Variants in RALGAPA1 observed in about 807,000 individuals in gnomAD.
RALGAPA1 encodes Ral GTPase activating protein catalytic subunit alpha 1.
RALGAPA1 carries 52 observed loss-of-function variants against 269.6 expected under a neutral mutation model. The ratio of observed to expected loss-of-function variants is 0.19; its 90% CI spans 0.15 to 0.24. The LOEUF (loss-of-function observed/expected upper bound fraction) is 0.24, where lower values mean the gene tolerates loss of function less well. RALGAPA1 is among the 10% of genes least tolerant of loss of function. The pLI, the probability that RALGAPA1 is intolerant of heterozygous loss-of-function variation, is 1.00. For missense variants in RALGAPA1, 1,917 were observed against 3,013.9 expected, an observed-to-expected ratio of 0.64 and a Z score of 8.52; for synonymous variants, 817 against 1,008.3, an observed-to-expected ratio of 0.81 and a Z score of 3.60.
In RALGAPA1 at chr14:35,540,135, G is replaced by A. The variant is rs141474165; in HGVS notation, c.*24-445C>T. 3.4e-4 allele frequency among the ~76,000 whole-genome samples: 52 copies of A among 152,010 alleles called. No homozygotes were observed. In the East Asian group the frequency reaches 9.3e-3, roughly 27 times the overall value. ...CAGTTCCAAACAGTTTTGGAACCAC[G>A]GGTTTCAAAAAGGAAGTCAGTTTCA... On this transcript the variant is annotated intron_variant, in intron 41 of 41. Coordinates refer to ENST00000680220, the MANE Select transcript of RALGAPA1 (RefSeq NM_001346249.2).
At chr14:35,702,945 A>G (rs1209146873) in intron 16 of RALGAPA1, among the ~76,000 whole-genome samples, 2 of 151,882 alleles carry the variant, frequency 1.3e-5, no homozygotes, top group African/African-American at 4.8e-5. Flanking sequence ...TCACTGTGTT[A>G]GCCAGAATTT....
chr14:35,666,996 C>T (rs556889733), intron 26 of RALGAPA1, among the ~76,000 whole-genome samples: 2 of 152,172 alleles, frequency 1.3e-5, no homozygotes, highest in Admixed American at 6.5e-5. Context: ...GTACTATAAC[C>T]CTGTGACTTG....
chr14:35,577,415 T>G (rs550188761), intron 37 of RALGAPA1, among the ~76,000 whole-genome samples: 4 of 152,156 alleles, frequency 2.6e-5, no homozygotes, highest in Admixed American at 1.3e-4. Flanking sequence ...GAGAGCTTAC[T>G]TGACTCTTCT....
Position 35,686,069 on chromosome 14 carries a change from G to T in RALGAPA1, c.4077+473C>A, listed in dbSNP as rs191599162. Among the ~76,000 whole-genome samples the T allele has an allele frequency of 2.1e-4, 32 of 151,850 alleles. No individual in the cohort carries two copies. The East Asian group carries it at 5.6e-3, about 27-fold the overall frequency. On this transcript the variant is annotated intron_variant, in intron 19 of 41. Transcript: ENST00000680220. The stretch of plus-strand genomic sequence containing the variant: ...AGTATTTGTGCTAGCAAAACTATGG[G>T]AGCTGGTTCACAAGCAGATCTTGAG...
chr14:35,667,341 T>G lies in RALGAPA1; in HGVS notation c.5203-2574A>C, dbSNP rs191759396. Among the ~76,000 whole-genome samples the G allele has an allele frequency of 3.2e-4, 49 of 152,232 alleles. No individual in the cohort carries two copies. In the East Asian group the frequency reaches 7.9e-3, roughly 25 times the overall value. On this transcript the variant is annotated intron_variant, in intron 26 of 41. Coordinates refer to ENST00000680220, the MANE Select transcript of RALGAPA1 (RefSeq NM_001346249.2). ...TGAACCCGGGAGGCGGAAGTTACAGTGAGCTGAGATCGTGCCACTGAACTC... is the reference window on the plus strand; with the variant it reads ...TGAACCCGGGAGGCGGAAGTTACAGGGAGCTGAGATCGTGCCACTGAACTC...
At chr14:35,662,378 T>C (rs2063598698) in intron 27 of RALGAPA1, among the ~76,000 whole-genome samples, 1 of 152,174 alleles carries the variant, frequency 6.6e-6, no homozygotes, top group Admixed American at 6.5e-5. Flanking sequence ...ATAGAGTATA[T>C]GGAATCTGAT....
chr14:35,657,350 G>C (rs943320058), intron 28 of RALGAPA1, among the ~76,000 whole-genome samples: 10 of 151,668 alleles, frequency 6.6e-5, no homozygotes, highest in Admixed American at 6.6e-5. Context: ...TACGACACCT[G>C]GCTAATTTTT....
At chr14:35,610,385 C>A (rs993134365) in intron 35 of RALGAPA1, among the ~76,000 whole-genome samples, 12 of 151,752 alleles carry the variant, frequency 7.9e-5, no homozygotes, top group Non-Finnish European at 5.9e-5. Context: ...CGGGTTCACA[C>A]CATTCTCCTG....
At chr14:35,767,341 A>G (rs899999224) in intron 4 of RALGAPA1, among the ~76,000 whole-genome samples, 3 of 152,188 alleles carry the variant, frequency 2.0e-5, no homozygotes, top group Non-Finnish European at 1.5e-5. Context: ...AAATACCTAT[A>G]TCAGAAAAGA....
chr14:35,655,296 T>C (rs546957007), intron 29 of RALGAPA1, among the ~76,000 whole-genome samples: 4 of 152,218 alleles, frequency 2.6e-5, no homozygotes, highest in South Asian at 4.1e-4. Flanking sequence ...AACAATAATA[T>C]CATGCATCCT....
chr14:35,626,979 A>C, intron 34 of RALGAPA1, 111 bp downstream of exon 34: 1 of 1,112,110 alleles, frequency 9.0e-7, no homozygotes, highest in South Asian at 2.4e-5. Flanking sequence ...TCAAAGAACT[A>C]ATTGGTAGAT....
intron 35 of RALGAPA1, among the ~76,000 whole-genome samples, chr14:35,611,933 G>C (rs1477329440): frequency 6.6e-6 from 1 of 152,100 alleles, no homozygotes; most frequent in Non-Finnish European, 1.5e-5. Flanking sequence ...TGTAAGATGA[G>C]ACATACAAAT....
intron 26 of RALGAPA1, among the ~76,000 whole-genome samples, chr14:35,665,842 A>G (rs1434094533): frequency 6.6e-6 from 1 of 152,200 alleles, no homozygotes; most frequent in African/African-American, 2.4e-5. Context: ...AGGTATGTGC[A>G]CATAATGGGA....
At chr14:35,649,424 C>G (rs1291510427) in intron 31 of RALGAPA1, among the ~76,000 whole-genome samples, 1 of 152,210 alleles carries the variant, frequency 6.6e-6, no homozygotes, top group Non-Finnish European at 1.5e-5. Context: ...GTCACTTTCA[C>G]AGAAGTACCA....
chr14:35,649,608 A>AT (rs1305202503), intron 31 of RALGAPA1, among the ~76,000 whole-genome samples: 6 of 152,168 alleles, frequency 3.9e-5, no homozygotes, highest in Admixed American at 2.6e-4. Flanking sequence ...CATGCTATTC[A>AT]TACCACTTGG....
chr14:35,574,278 A>G (rs572072383), intron 37 of RALGAPA1, among the ~76,000 whole-genome samples: 4 of 152,344 alleles, frequency 2.6e-5, no homozygotes, highest in Admixed American at 1.3e-4. Flanking sequence ...AAAACTATCT[A>G]TAATTTCTAG....
chr14:35,719,399 C>T (rs17103477), intron 16 of RALGAPA1, among the ~76,000 whole-genome samples: 18,392 of 152,188 alleles, frequency 0.12, 1,180 homozygotes, highest in South Asian at 0.14. Context: ...TTTTATAACT[C>T]CATGCAGCTA....
intron 36 of RALGAPA1, among the ~76,000 whole-genome samples, chr14:35,596,028 A>T (rs1238389102): frequency 6.6e-6 from 1 of 152,108 alleles, no homozygotes; most frequent in Non-Finnish European, 1.5e-5. Context: ...TGTACTATGC[A>T]TCTTTTGTTA....
intron 16 of RALGAPA1, among the ~76,000 whole-genome samples, chr14:35,701,081 T>C (rs1595203441): frequency 6.6e-6 from 1 of 152,330 alleles, no homozygotes. Flanking sequence ...TTTTTAAAAA[T>C]TGCATTTGTA....
Sources: allele counts gnomAD v4.1 joint callset (sites outside exome capture counted in the v4.1 genomes callset), GRCh38; gene constraint gnomAD v4.1.1; transcripts MANE v1.5; gene names NCBI Gene and HGNC (gene_info 2026-07-23, HGNC 2026-07-21).